THADA: variants seen among roughly 807,000 people sequenced by gnomAD.
The protein encoded by THADA is tRNA (32-2'-O)-methyltransferase regulator THADA.
THADA carries 213 observed loss-of-function variants against 219.8 expected under a neutral mutation model. The ratio of observed to expected loss-of-function variants is 0.97; its 90% CI spans 0.87 to 1.09. The LOEUF is 1.09. Among genes scored for constraint, THADA ranks in the 50% least tolerant of loss-of-function variants. THADA has a pLI of 0.00. For synonymous variants in THADA, 1,018 were observed against 828.9 expected (o/e 1.23, Z -3.92); for missense variants, 2,956 against 2,311.3 (o/e 1.28, Z -5.72).
At chr2:43,338,729 T>C (rs1666757310) in intron 30 of THADA, among the ~76,000 whole-genome samples, 2 of 152,344 alleles carry the variant, frequency 1.3e-5, no homozygotes, top group South Asian at 4.1e-4. Flanking sequence ...CTGGTGTATG[T>C]ATATACCACA....
chr2:43,520,743 C>T (rs866669445), intron 22 of THADA, among the ~76,000 whole-genome samples: 2 of 144,340 alleles, frequency 1.4e-5, no homozygotes, highest in African/African-American at 2.5e-5. Context: ...CACACACACA[C>T]ATATATATCA....
chr2:43,527,808 A>T, intron 22 of THADA, 71 bp downstream of exon 22: 1 of 1,082,024 alleles, frequency 9.2e-7, no homozygotes, highest in Non-Finnish European at 1.4e-6. Context: ...GACACAACTA[A>T]ATTCTACTCC....
intron 28 of THADA, among the ~76,000 whole-genome samples, chr2:43,398,440 G>A (rs1344813239): frequency 6.6e-6 from 1 of 152,106 alleles, no homozygotes; most frequent in East Asian, 1.9e-4. Flanking sequence ...TATTTATTGG[G>A]TATTTATGAT....
chr2:43,571,622 C>G (rs746002429), intron 13 of THADA, 85 bp downstream of exon 13: 21 of 1,402,388 alleles, frequency 1.5e-5, no homozygotes, highest in Non-Finnish European at 2.0e-5. Flanking sequence ...CATTCCCACA[C>G]GCTCCCAAAA....
At chr2:43,514,466 AATATATAAT>A (rs1208924575) in intron 22 of THADA, among the ~76,000 whole-genome samples, 1 of 123,468 alleles carries the variant, frequency 8.1e-6, no homozygotes, top group Admixed American at 8.4e-5. Flanking sequence ...ATATATATAT[AATATATAAT>A]ATATATAATA....
chr2:43,284,936 C>G (rs1673808312), intron 35 of THADA, among the ~76,000 whole-genome samples: 1 of 152,190 alleles, frequency 6.6e-6, no homozygotes, highest in Admixed American at 6.5e-5. Flanking sequence ...GACTGCCCTG[C>G]TGGGTTTTGA....
intron 36 of THADA, among the ~76,000 whole-genome samples, chr2:43,258,826 T>C (rs1273055915): frequency 6.6e-6 from 1 of 152,166 alleles, no homozygotes; most frequent in African/African-American, 2.4e-5. Flanking sequence ...GGCTGTTTAT[T>C]TCCAGCTGTT....
At chr2:43,373,774 G>T (rs1341887647) in intron 29 of THADA, among the ~76,000 whole-genome samples, 1 of 152,136 alleles carries the variant, frequency 6.6e-6, no homozygotes, top group Admixed American at 6.6e-5. Flanking sequence ...CAATGAGCCT[G>T]CCCAAGTCTA....
intron 26 of THADA, among the ~76,000 whole-genome samples, chr2:43,466,599 G>A (rs1368175828): frequency 2.6e-5 from 4 of 152,056 alleles, no homozygotes; most frequent in Non-Finnish European, 5.9e-5. Flanking sequence ...ATATTACCTG[G>A]CACATAGCAG....
At position 43,571,480 on chromosome 2, in the gene THADA, G is replaced by GA. The variant is rs113088849; in HGVS notation, c.2064+226dup. ...TTGCCCAGGCTGATTCTGAACTCCT[G>GA]AAAAAAAATGGTGGGGGGAGGGGTG... On this transcript the variant is annotated intron_variant, in intron 13 of 37. Coordinates refer to ENST00000405975, the MANE Select transcript of THADA (RefSeq NM_022065.5). Among the ~76,000 whole-genome samples, 1,305 of 151,572 alleles carry GA rather than the reference G, an allele frequency of 8.6e-3. 13 individuals are homozygous for GA. The highest frequency in any genetic ancestry group is 0.028 in the African/African-American group (1,176 of 41,300).
chr2:43,463,610 C>G (rs1437379816), intron 26 of THADA, among the ~76,000 whole-genome samples: 1 of 152,106 alleles, frequency 6.6e-6, no homozygotes, highest in African/African-American at 2.4e-5. Context: ...AGTCAGTGAA[C>G]TTAAGCTATT....
intron 36 of THADA, among the ~76,000 whole-genome samples, chr2:43,263,541 G>C (rs1558485359): frequency 6.6e-6 from 1 of 152,142 alleles, no homozygotes; most frequent in Non-Finnish European, 1.5e-5. Flanking sequence ...CAAGCACGGG[G>C]TCAAAGAGCC....
In THADA at chr2:43,572,889, C is replaced by A. The variant is rs1203746199; in HGVS notation, c.1833G>T (p.Gln611His). The A allele has an allele frequency of 3.1e-6, 5 of 1,613,962 alleles. No homozygotes were observed. Among genetic ancestry groups the A allele is most frequent in the Non-Finnish European group, 4.2e-6 (5 of 1,179,868 alleles). The change falls in exon 12 of 38, where the codon CAG becomes CAT. Residue 611 changes from glutamine to histidine, a missense_variant. Coordinates refer to ENST00000405975, the MANE Select transcript of THADA (RefSeq NM_022065.5). ...LRIARAHGHLQSATDTWENLV... is the reference protein window; with the variant it reads ...LRIARAHGHLHSATDTWENLV... ...GGTTCTCCCAGGTATCAGTTGCAGA[C>A]TGAAGATGTCCATGAGCTCTAGCTA...
At chr2:43,248,150 TATATATATATATATAGAG>T (rs1311795771) in intron 36 of THADA, among the ~76,000 whole-genome samples, 68 of 91,780 alleles carry the variant, frequency 7.4e-4, no homozygotes, top group South Asian at 2.7e-3. Context: ...TATATATATA[TATATATATATATATAGAG>T]AGAGAGAGAG....
At chr2:43,232,049 C>G (rs1304853240) in intron 37 of THADA, among the ~76,000 whole-genome samples, 2 of 152,204 alleles carry the variant, frequency 1.3e-5, no homozygotes, top group Admixed American at 1.3e-4. Flanking sequence ...CAGCAAAGAT[C>G]CTAATTCTCT....
At chr2:43,483,597 C>T (rs973234818) in intron 26 of THADA, among the ~76,000 whole-genome samples, 8 of 151,942 alleles carry the variant, frequency 5.3e-5, no homozygotes, top group Admixed American at 2.6e-4. Flanking sequence ...GTAATCTTTC[C>T]TATCCAAGAG....
At chr2:43,279,989 T>C (rs1044340487) in intron 35 of THADA, 93 bp from the exon 36 acceptor site, 38 of 1,215,194 alleles carry the variant, frequency 3.1e-5, no homozygotes, top group South Asian at 1.5e-4. Context: ...GAGAGGAGCA[T>C]TGAATGAGTT....
chr2:43,553,371 A>C (rs1216966627), intron 17 of THADA, among the ~76,000 whole-genome samples: 1 of 152,114 alleles, frequency 6.6e-6, no homozygotes. Flanking sequence ...GAAGGTAATT[A>C]GGTTTAGATT....
chr2:43,335,984 C>A (rs1309620634), intron 30 of THADA, among the ~76,000 whole-genome samples: 1 of 151,800 alleles, frequency 6.6e-6, no homozygotes, highest in Non-Finnish European at 1.5e-5. Flanking sequence ...GCAGTCCCAG[C>A]TACTCAGGAG....
Sources: gnomAD v4.1 joint callset for allele counts (sites outside exome capture counted in the v4.1 genomes callset) on GRCh38, gnomAD v4.1.1 for gene constraint, MANE v1.5 for transcripts, NCBI Gene and HGNC (gene_info 2026-07-23, HGNC 2026-07-21) for gene names.